The following UMODL1 variants were observed in gnomAD, a reference collection of about 807,000 sequenced individuals.
UMODL1 encodes the protein uromodulin-like 1.
UMODL1 carries 128 observed loss-of-function variants against 136.3 expected under a neutral mutation model. That is an observed-to-expected ratio of 0.94 (90% CI 0.81 to 1.09). The LOEUF (loss-of-function observed/expected upper bound fraction) is 1.09, where lower values mean the gene tolerates loss of function less well. Among genes scored for constraint, UMODL1 ranks in the 50% least tolerant of loss-of-function variants. The pLI is 0.00. For missense variants in UMODL1, 1,766 were observed against 1,725.6 expected (o/e 1.02, Z -0.41); for synonymous variants, 721 against 720.0 (o/e 1.00, Z -0.02).
intron 20 of UMODL1, among the ~76,000 whole-genome samples, chr21:42,129,291 A>G (rs1470169142): frequency 6.6e-6 from 1 of 152,024 alleles, no homozygotes; most frequent in Non-Finnish European, 1.5e-5. Context: ...AGATCCCACC[A>G]TGTCACTGAG....
At chr21:42,116,632 C>A (rs2066905694) in intron 14 of UMODL1, among the ~76,000 whole-genome samples, 1 of 151,226 alleles carries the variant, frequency 6.6e-6, no homozygotes, top group Non-Finnish European at 1.5e-5. Context: ...TTTTTTTAAA[C>A]CTGTAAAAAA....
chr21:42,092,393 G>GT (rs33934057), intron 6 of UMODL1, among the ~76,000 whole-genome samples: 56,570 of 147,594 alleles, frequency 0.38, 10,977 homozygotes, highest in East Asian at 0.53. Context: ...GGGTTTTTTT[G>GT]TTTTTTTTTT....
In UMODL1 at chr21:42,123,062, G is replaced by A; in HGVS notation, c.3059G>A (p.Ser1020Asn). 2.5e-6 allele frequency: 4 copies of A among 1,614,100 alleles called. No homozygotes were observed. The highest frequency in any genetic ancestry group is 3.4e-6 in the Non-Finnish European group (4 of 1,180,032). Residue 1020 changes from serine (S) to asparagine (N), a missense_variant, in exon 17 of 23, where the codon AGC becomes AAC. By Grantham distance (46) the Ser-to-Asn change is conservative (BLOSUM62 1). Coordinates refer to ENST00000408910, the MANE Select transcript of UMODL1 (RefSeq NM_001004416.3). This position sits in a 1 kb window ranked among gnomAD's most constrained non-coding sequence, Gnocchi z 4.4. ...ATCCCCGAGTCCTCGTTGTACCTCA[G>A]CCACCCCTCCTGCAACGTGAGCCAC... The part of the protein sequence containing the change: ...ESIPESSLYL[S>N]HPSCNVSHSN...
chr21:42,129,794 G>A lies in UMODL1; in HGVS notation c.3772G>A (p.Glu1258Lys), dbSNP rs2067110036. Residue 1258 changes from glutamate to lysine, a missense_variant, in exon 21 of 23, where the codon GAA becomes AAA. Coordinates refer to ENST00000408910, the MANE Select transcript of UMODL1 (RefSeq NM_001004416.3). ...QMSWGPLIRS[E>K]GEPPHAEAGL... ...GTCCTGGGGACCCCTCATCCGGTCT[G>A]AAGGTGAGTTGATGACTTGGTTTAG... 1 of 1,570,528 alleles carries A rather than the reference G, an allele frequency of 6.4e-7. No homozygotes were observed. The highest frequency in any genetic ancestry group is 8.6e-7 in the Non-Finnish European group (1 of 1,163,652).
chr21:42,111,569 C>A lies in UMODL1; in HGVS notation c.1963C>A (p.His655Asn). ...WPSPTEDPTG[H>N]FLWHATRSTR... The stretch of plus-strand genomic sequence containing the variant: ...TTCCCCTACTGAGGACCCCACCGGC[C>A]ACTTCCTGTGGCATGCCACCCGTTC... The change falls in exon 12 of 23, where the codon CAC becomes AAC. Residue 655 changes from histidine (H) to asparagine (N), a missense_variant. Transcript: ENST00000408910. 1 of 1,614,180 alleles carries A rather than the reference C, an allele frequency of 6.2e-7. No individual in the cohort carries two copies. The highest frequency in any genetic ancestry group is 8.5e-7 in the Non-Finnish European group (1 of 1,180,016).
chr21:42,076,284 C>G (rs746238454), intron 2 of UMODL1, 37 bp downstream of exon 2: 1 of 1,608,548 alleles, frequency 6.2e-7, no homozygotes, highest in East Asian at 2.2e-5. Flanking sequence ...CGGGGCCACC[C>G]TTGCCGTCGA....
chr21:42,128,961 G>A (rs938787549), intron 20 of UMODL1, among the ~76,000 whole-genome samples: 2 of 152,104 alleles, frequency 1.3e-5, no homozygotes, highest in South Asian at 2.1e-4. Flanking sequence ...GGTGTCAGCC[G>A]GCTGGTTCCC....
intron 21 of UMODL1, among the ~76,000 whole-genome samples, chr21:42,135,494 AG>A (rs1480039824): frequency 2.0e-5 from 3 of 152,194 alleles, no homozygotes; most frequent in African/African-American, 7.2e-5. Flanking sequence ...CTGAGAGTCC[AG>A]GGCCATTCCG....
Position 42,127,083 on chromosome 21 carries a change from C to G in UMODL1, c.3371C>G (p.Pro1124Arg), listed in dbSNP as rs545114125. 1.2e-6 allele frequency: 2 copies of G among 1,614,188 alleles called. No homozygotes were observed. Among genetic ancestry groups the G allele is most frequent in the South Asian group, 2.2e-5 (2 of 91,082 alleles). The change falls in exon 19 of 23, where the codon CCC becomes CGC. Residue 1124 changes from proline (P) to arginine (R), a missense_variant. By Grantham distance (103) the Pro-to-Arg change is moderately radical. Coordinates refer to ENST00000408910, the MANE Select transcript of UMODL1 (RefSeq NM_001004416.3). ...ATGCAGTTGTTTATCGGAGACTCTCCCATACCTCAGAATTATAGCGTGTCT... is the reference window on the plus strand; with the variant it reads ...ATGCAGTTGTTTATCGGAGACTCTCGCATACCTCAGAATTATAGCGTGTCT... ...TEMQLFIGDS[P>R]IPQNYSVSAS...
chr21:42,065,697 C>T (rs1304035004), intron 1 of UMODL1, among the ~76,000 whole-genome samples: 1 of 151,944 alleles, frequency 6.6e-6, no homozygotes, highest in African/African-American at 2.4e-5. Context: ...ACCCCCATGC[C>T]CAGATTTTGT....
intron 22 of UMODL1, among the ~76,000 whole-genome samples, chr21:42,141,150 C>G (rs2067276295): frequency 5.3e-5 from 8 of 152,182 alleles, no homozygotes; most frequent in Admixed American, 5.2e-4. Flanking sequence ...AAATGGGGCC[C>G]AGAGAACTCA....
intron 22 of UMODL1, among the ~76,000 whole-genome samples, chr21:42,138,256 C>G (rs1428531566): frequency 6.6e-6 from 1 of 152,208 alleles, no homozygotes; most frequent in East Asian, 1.9e-4. Context: ...GCTATGGGGT[C>G]TGACGCCCTC....
intron 1 of UMODL1, among the ~76,000 whole-genome samples, chr21:42,072,565 A>G (rs1446472591): frequency 6.6e-6 from 1 of 152,106 alleles, no homozygotes; most frequent in Admixed American, 6.5e-5. Flanking sequence ...ACGGGGCAGA[A>G]CCTCAGCAAC....
chr21:42,085,429 G>GT lies in UMODL1; in HGVS notation c.603+17_603+18insT. ...CATTCCTTGGTAGGTGAGACAGACG[G>GT]GGGCTGCCTGCACCCTCCTTGTGGC... On this transcript the variant is annotated intron_variant, in intron 4 of 22. Coordinates refer to ENST00000408910, the MANE Select transcript of UMODL1 (RefSeq NM_001004416.3). This position sits in a 1 kb window ranked among gnomAD's most constrained non-coding sequence, Gnocchi z 4.5. 1 of 1,613,516 alleles carries GT rather than the reference G, an allele frequency of 6.2e-7. No homozygotes were observed. The highest frequency in any genetic ancestry group is 1.1e-5 in the South Asian group (1 of 91,058).
At chr21:42,069,306 A>G (rs375234251), upstream of UMODL1, among the ~76,000 whole-genome samples, 10 of 151,044 alleles carry the variant, frequency 6.6e-5, 1 homozygote, top group East Asian at 1.9e-4. Flanking sequence ...TCAATAAAAC[A>G]GAGGTTGAAG....
chr21:42,084,429 T>A (rs1405713938), intron 3 of UMODL1, among the ~76,000 whole-genome samples, 184 bp downstream of exon 3: 3 of 152,118 alleles, frequency 2.0e-5, no homozygotes, highest in Admixed American at 1.3e-4. Flanking sequence ...ATCTGGCCAC[T>A]GAACTCTCGG....
chr21:42,088,567 C>A, intron 5 of UMODL1, 87 bp downstream of exon 5: 1 of 1,341,438 alleles, frequency 7.5e-7, no homozygotes, highest in Non-Finnish European at 1.0e-6. Flanking sequence ...AAAGCCAGAC[C>A]AGTCCTTTGT....
chr21:42,069,453 CT>C (rs2066210610), upstream of UMODL1, among the ~76,000 whole-genome samples: 1 of 152,028 alleles, frequency 6.6e-6, no homozygotes, highest in Non-Finnish European at 1.5e-5. Flanking sequence ...GGTAAAATGT[CT>C]TGATTTTGTT....
At chr21:42,089,965 G>C (rs1330807214) in intron 5 of UMODL1, among the ~76,000 whole-genome samples, 1 of 152,172 alleles carries the variant, frequency 6.6e-6, no homozygotes, top group Non-Finnish European at 1.5e-5. Context: ...TTTACTTTAC[G>C]CTTGGGGTGG....
Sources: gnomAD v4.1 joint callset for allele counts (sites outside exome capture counted in the v4.1 genomes callset) on GRCh38, gnomAD v4.1.1 for gene constraint, Gnocchi (gnomAD v3.1) non-coding constraint, MANE v1.5 for transcripts, NCBI Gene and HGNC (gene_info 2026-07-23, HGNC 2026-07-21) for gene names.